MOSMO: variants seen among roughly 807,000 people sequenced by gnomAD.
The protein encoded by MOSMO is modulator of smoothened, also known as modulator of smoothened protein.
A neutral mutation model predicts 18.4 loss-of-function variants in MOSMO; 5 were observed. That is an observed-to-expected ratio of 0.27 (90% CI 0.14 to 0.57). The LOEUF is 0.57. Ranked by LOEUF, MOSMO falls within the 20% of genes least tolerant of loss-of-function variation. MOSMO has a pLI of 0.92. For missense variants in MOSMO, 138 were observed against 211.8 expected, an observed-to-expected ratio of 0.65 and a Z score of 2.16; for synonymous variants, 82 against 82.3, an observed-to-expected ratio of 1.00 and a Z score of 0.02.
chr16:22,052,951 CTTTTT>C (rs1198266671), intron 1 of MOSMO, among the ~76,000 whole-genome samples: 1 of 124,108 alleles, frequency 8.1e-6, no homozygotes, highest in African/African-American at 3.0e-5. Flanking sequence ...CTCTCATCTT[CTTTTT>C]TTTTTTTTTT....
intron 1 of MOSMO, chr16:22,064,297 A>G (rs1473171459): frequency 4.4e-6 from 2 of 456,400 alleles, no homozygotes; most frequent in Non-Finnish European, 8.8e-6. Flanking sequence ...TCTGGCCACA[A>G]GAATTAACCT....
downstream of MOSMO, chr16:22,087,524 A>G (rs185650506): frequency 6.6e-6 from 1 of 152,360 alleles, no homozygotes; most frequent in East Asian, 1.9e-4. Context: ...AATAAAAAAT[A>G]TGAAAACTCA....
intron 1 of MOSMO, among the ~76,000 whole-genome samples, chr16:22,022,278 C>T (rs1305503767): frequency 6.6e-6 from 1 of 152,042 alleles, no homozygotes; most frequent in Non-Finnish European, 1.5e-5. Flanking sequence ...CCGCCCTGAC[C>T]TCCCAAAGTG....
chr16:22,058,482 T>C (rs1301830548), intron 1 of MOSMO, among the ~76,000 whole-genome samples: 1 of 149,550 alleles, frequency 6.7e-6, no homozygotes, highest in East Asian at 2.0e-4. Context: ...GAAGAAAGGA[T>C]TGGAAGGGAT....
intron 1 of MOSMO, among the ~76,000 whole-genome samples, chr16:22,037,645 C>T (rs916518313): frequency 2.0e-5 from 3 of 152,218 alleles, no homozygotes; most frequent in Admixed American, 2.0e-4. Context: ...TCAACTTTCC[C>T]ATCACCTCCT....
At chr16:22,079,304 A>T (rs564059743) in intron 2 of MOSMO, among the ~76,000 whole-genome samples, 1 of 152,358 alleles carries the variant, frequency 6.6e-6, no homozygotes, top group East Asian at 1.9e-4. Flanking sequence ...CTCTTCATGT[A>T]CAGTGCCTAG....
intron 1 of MOSMO, among the ~76,000 whole-genome samples, chr16:22,045,758 C>A (rs955864422): frequency 2.0e-5 from 3 of 151,884 alleles, no homozygotes; most frequent in Non-Finnish European, 4.4e-5. Flanking sequence ...AATTGCAAGT[C>A]TTTTTGAATG....
chr16:22,074,053 A>T (rs541088980), intron 1 of MOSMO, among the ~76,000 whole-genome samples: 1 of 152,158 alleles, frequency 6.6e-6, no homozygotes, highest in Admixed American at 6.5e-5. Context: ...AAATACATCA[A>T]TGGCCAAACT....
intron 1 of MOSMO, among the ~76,000 whole-genome samples, chr16:22,056,598 G>A (rs1230805042): frequency 6.6e-6 from 1 of 151,270 alleles, no homozygotes; most frequent in Non-Finnish European, 1.5e-5. Flanking sequence ...TGGTCAGGCT[G>A]GTCTCAAGCT....
chr16:22,060,660 C>T (rs1173663252), intron 1 of MOSMO, among the ~76,000 whole-genome samples: 1 of 152,052 alleles, frequency 6.6e-6, no homozygotes, highest in African/African-American at 2.4e-5. Context: ...GTCAGTTGAA[C>T]TCAGGAGTTC....
At chr16:22,086,130 G>T (rs2141795236), downstream of MOSMO, 1 of 152,234 alleles carries the variant, frequency 6.6e-6, no homozygotes, top group South Asian at 2.1e-4. Context: ...TCTAGCCATT[G>T]AACCAGTCTT....
chr16:22,038,964 GTCAGGTC>G (rs1178943387), intron 1 of MOSMO, among the ~76,000 whole-genome samples: 1 of 152,208 alleles, frequency 6.6e-6, no homozygotes, highest in Non-Finnish European at 1.5e-5. Context: ...AGACATTGAA[GTCAGGTC>G]TCAGGTCTAA....
downstream of MOSMO, among the ~76,000 whole-genome samples, chr16:22,089,310 C>T (rs536167609): frequency 2.8e-4 from 43 of 152,272 alleles, no homozygotes; most frequent in Non-Finnish European, 5.6e-4. Context: ...TCAAGCAGTC[C>T]TCCAGCCTCG....
chr16:22,083,455 AC>A lies in MOSMO; in HGVS notation c.*2577del. ...AAGTCAAGTCTTCGTACTCTTGCAG[AC>A]CAGACATTGAAATGGATTCATTCAT... On this transcript the variant is annotated 3_prime_UTR_variant, in exon 3 of 3. Coordinates refer to ENST00000542527, the MANE Select transcript of MOSMO (RefSeq NM_001164579.2). The A allele has an allele frequency of 3.5e-6, 1 of 282,480 alleles. No homozygotes were observed. 17.5% of individuals were successfully genotyped at this position (282,480 alleles called of 1,614,324 possible).
rs377554329 is a variant in MOSMO at position 22,080,053 on chromosome 16, G to A, written c.320-643G>A. On this transcript the variant is annotated intron_variant, in intron 2 of 2. Transcript: ENST00000542527. ...CCCGCCTCGGCCCCCCAAAGTGCTG[G>A]GATTACAGACATGAGCCACCATGCC... 4.5e-3 allele frequency among the ~76,000 whole-genome samples: 687 copies of A among 152,202 alleles called. 9 individuals are homozygous for A. The highest frequency in any genetic ancestry group is 0.016 in the African/African-American group (658 of 41,530).
intron 1 of MOSMO, among the ~76,000 whole-genome samples, chr16:22,053,662 G>C (rs2141749797): frequency 6.6e-6 from 1 of 152,188 alleles, no homozygotes; most frequent in Non-Finnish European, 1.5e-5. Context: ...CATTAGCTGG[G>C]TATTGTGGCG....
intron 1 of MOSMO, among the ~76,000 whole-genome samples, chr16:22,075,056 T>C (rs1043064720): frequency 2.6e-5 from 4 of 152,192 alleles, no homozygotes; most frequent in African/African-American, 9.6e-5. Flanking sequence ...AAAAGTGATT[T>C]TCTTTTCAGC....
At position 22,083,072 on chromosome 16, in the gene MOSMO, T is replaced by C. The variant is rs998417172; in HGVS notation, c.*2192T>C. On this transcript the variant is annotated 3_prime_UTR_variant, in exon 3 of 3. Coordinates refer to ENST00000542527, the MANE Select transcript of MOSMO (RefSeq NM_001164579.2). ...GTTATATACCACTGAGATAAAGTGT[T>C]AGCAAAGTATGGTTCAAATTAACTT... is the stretch of plus-strand genomic sequence containing the variant. 6.6e-6 allele frequency: 1 copy of C among 152,224 alleles called. No individual in the cohort carries two copies. The highest frequency in any genetic ancestry group is 1.5e-5 in the Non-Finnish European group (1 of 68,052). The allele number at this position is 152,224 out of a possible 1,614,324, so 9.4% of individuals were successfully genotyped here.
downstream of MOSMO, chr16:22,085,520 A>G (rs1025683167): frequency 2.0e-5 from 3 of 152,192 alleles, no homozygotes; most frequent in Non-Finnish European, 4.4e-5. Context: ...CTGAGCTGCT[A>G]TGGTGGAGGG....
Sources: allele counts gnomAD v4.1 joint callset (sites outside exome capture counted in the v4.1 genomes callset), GRCh38; gene constraint gnomAD v4.1.1; transcripts MANE v1.5; gene names NCBI Gene and HGNC (gene_info 2026-07-23, HGNC 2026-07-21).